Variants in FAM136A observed in about 807,000 individuals in gnomAD.
FAM136A encodes TIM double twin CX3C motif protein.
A neutral mutation model predicts 21.6 loss-of-function variants in FAM136A; 25 were observed. That is an observed-to-expected ratio of 1.16 (90% CI 0.84 to 1.62). The LOEUF (loss-of-function observed/expected upper bound fraction) is 1.62, where lower values mean the gene tolerates loss of function less well. Ranked by LOEUF, FAM136A falls within the 40% of genes most tolerant of loss-of-function variation. FAM136A has a pLI of 0.00. For missense variants in FAM136A, 338 were observed against 332.0 expected, an observed-to-expected ratio of 1.02 and a Z score of -0.14; for synonymous variants, 119 against 129.4, an observed-to-expected ratio of 0.92 and a Z score of 0.55.
intron 2 of FAM136A, 60 bp from the exon 3 acceptor site, chr2:70,297,537 C>G: frequency 6.4e-7 from 1 of 1,551,572 alleles, no homozygotes; most frequent in South Asian, 1.1e-5. Context: ...TTACTGCGTG[C>G]TCATTATGTG....
Position 70,297,469 on chromosome 2 carries a change from C to T in FAM136A, c.558G>A (p.Leu186=). The T allele has an allele frequency of 6.2e-7, 1 of 1,613,772 alleles. No individual in the cohort carries two copies. Among genetic ancestry groups the T allele is most frequent in the Non-Finnish European group, 8.5e-7 (1 of 1,179,772 alleles). Residue 186 remains leucine, a synonymous_variant, in exon 3 of 3, where the codon CTG becomes CTA. Transcript: ENST00000430566. ...TSELEKFQDR[L]ARCTMHCNDK... ...CGTTGCAATGCATGGTGCACCGGGC[C>T]AGGCGGTCCTGTGGCAAGAAGGAAG...
chr2:70,297,621 G>T (rs541505191), intron 2 of FAM136A, 144 bp from the exon 3 acceptor site: 5,778 of 249,856 alleles, frequency 0.023, 114 homozygotes, highest in African/African-American at 0.096. Flanking sequence ...GATTGGCCAA[G>T]TTTTTTTTTT....
chr2:70,301,790 C>T lies in FAM136A; in HGVS notation c.222G>A (p.Arg74=). The part of the protein sequence containing the change: ...QTGCGRPWGR[R]GGLGQDFGSF... The stretch of plus-strand genomic sequence containing the variant: ...TTCCGAAGTCCTGTCCGAGGCCGCC[C>T]CGGCGACCCCAGGGCCGCCCACACC... The change falls in exon 1 of 3, where the codon CGG becomes CGA. Residue 74 remains arginine (R), a synonymous_variant. Coordinates refer to ENST00000430566, the MANE Select transcript of FAM136A (RefSeq NM_001329752.2). 6.5e-7 allele frequency: 1 copy of T among 1,547,236 alleles called. No individual in the cohort carries two copies. Among genetic ancestry groups the T allele is most frequent in the Non-Finnish European group, 8.7e-7 (1 of 1,145,844 alleles).
chr2:70,299,083 G>T (rs1166950918), intron 2 of FAM136A, among the ~76,000 whole-genome samples: 1 of 152,190 alleles, frequency 6.6e-6, no homozygotes, highest in Admixed American at 6.5e-5. Flanking sequence ...AGAACACAAA[G>T]AAACCCTTTG....
At chr2:70,301,098 C>T (rs1697385144) in intron 1 of FAM136A, 118 bp from the exon 2 acceptor site, 3 of 1,217,942 alleles carry the variant, frequency 2.5e-6, no homozygotes, top group Non-Finnish European at 3.4e-6. Context: ...CCACCTTCTG[C>T]TTTCACCTTC....
At position 70,300,902 on chromosome 2, in the gene FAM136A, G is replaced by T. The variant is rs536886562; in HGVS notation, c.487C>A (p.Arg163Ser). The T allele has an allele frequency of 1.9e-6, 3 of 1,613,818 alleles. No homozygotes were observed. In the Admixed American group the frequency reaches 5.0e-5, roughly 27 times the overall value. Residue 163 changes from arginine (R) to serine (S), a missense_variant, in exon 2 of 3, where the codon CGC (arginine) becomes AGC (serine). Physicochemically the swap from Arg to Ser is moderately radical, Grantham distance 110. Coordinates refer to ENST00000430566, the MANE Select transcript of FAM136A (RefSeq NM_001329752.2). The stretch of plus-strand genomic sequence containing the variant: ...GCTTGAGCCAGAGGCACATGGCAGC[G>T]CTCGATGCACTGGTGCACCTGCTTC... ...SMKQVHQCIERCHVPLAQAQA... is the reference protein window; with the variant it reads ...SMKQVHQCIESCHVPLAQAQA...
chr2:70,297,072 A>C lies in FAM136A; in HGVS notation c.*217T>G, dbSNP rs1314784721. ...TAATAAGCTCTAAAACTCTCCTGTA[A>C]TATCTCTGACTCGATTTAGCACCAC... On this transcript the variant is annotated 3_prime_UTR_variant, in exon 3 of 3. Transcript: ENST00000430566. 3 of 526,284 alleles carry C rather than the reference A, an allele frequency of 5.7e-6. No homozygotes were observed. The African/African-American group carries it at 5.7e-5, about 10-fold the overall frequency. 32.6% of individuals were successfully genotyped at this position (526,284 alleles called of 1,614,324 possible).
intron 2 of FAM136A, among the ~76,000 whole-genome samples, chr2:70,299,091 T>C (rs112833831): frequency 3.2e-4 from 49 of 152,284 alleles, no homozygotes; most frequent in African/African-American, 1.1e-3. Flanking sequence ...AAGAAACCCT[T>C]TGGGGTTCCA....
chr2:70,301,941 TTC>T lies in FAM136A; in HGVS notation c.69_70del (p.Asn24HisfsTer65), dbSNP rs1425737210. The T allele has an allele frequency of 1.2e-6, 2 of 1,609,086 alleles. No homozygotes were observed. The highest frequency in any genetic ancestry group is 1.1e-5 in the South Asian group (1 of 90,318). The stretch of plus-strand genomic sequence containing the variant: ...CCCCGCTACCTGCATCTTCCGGATG[TTC>T]TCTCTTTCCAGACTCTTCACCATGG... On this transcript the variant is annotated frameshift_variant, in exon 1 of 3. Transcript: ENST00000430566. LOFTEE classifies it high-confidence loss of function.
At chr2:70,300,201 G>A (rs1380073980) in intron 2 of FAM136A, among the ~76,000 whole-genome samples, 1 of 151,756 alleles carries the variant, frequency 6.6e-6, no homozygotes, top group Non-Finnish European at 1.5e-5. Context: ...GTCCAGCCAG[G>A]AAACTTTATA....
intron 2 of FAM136A, among the ~76,000 whole-genome samples, chr2:70,298,448 T>C (rs1029644360): frequency 3.3e-5 from 5 of 152,218 alleles, no homozygotes; most frequent in African/African-American, 1.2e-4. Flanking sequence ...TTATTGAGCA[T>C]CTACTATGTG....
At chr2:70,299,281 T>C (rs1334991964) in intron 2 of FAM136A, among the ~76,000 whole-genome samples, 2 of 152,202 alleles carry the variant, frequency 1.3e-5, no homozygotes, top group Admixed American at 1.3e-4. Context: ...ACTTAGAAGA[T>C]GGGAGTAAAA....
intron 2 of FAM136A, 98 bp from the exon 3 acceptor site, chr2:70,297,575 G>T: frequency 1.9e-5 from 17 of 888,806 alleles, no homozygotes; most frequent in East Asian, 3.6e-5. Context: ...GGTTTAATAT[G>T]TATTATCTTG....
chr2:70,301,024 G>A (rs1263463034), intron 1 of FAM136A, 44 bp from the exon 2 acceptor site: 3 of 1,581,866 alleles, frequency 1.9e-6, no homozygotes, highest in Non-Finnish European at 2.6e-6. Flanking sequence ...AGTCTCTGGG[G>A]ACAGAGATGA....
At chr2:70,301,008 T>A (rs369972258) in intron 1 of FAM136A, 28 bp from the exon 2 acceptor site, 1 of 1,593,598 alleles carries the variant, frequency 6.3e-7, no homozygotes, top group African/African-American at 1.3e-5. Context: ...AGAGGTTAGG[T>A]AGGAAAGTCT....
chr2:70,299,194 T>A (rs1366349176), intron 2 of FAM136A, among the ~76,000 whole-genome samples: 1 of 152,224 alleles, frequency 6.6e-6, no homozygotes, highest in African/African-American at 2.4e-5. Flanking sequence ...TGTATAAGTT[T>A]CCATGTGGAT....
chr2:70,297,214 A>G lies in FAM136A; in HGVS notation c.*75T>C, dbSNP rs1403084303. 7.3e-5 allele frequency: 109 copies of G among 1,485,850 alleles called. No homozygotes were observed. The highest frequency in any genetic ancestry group is 9.9e-5 in the Non-Finnish European group (109 of 1,100,450). The allele number at this position is 1,485,850 out of a possible 1,614,324, so 92.0% of individuals were successfully genotyped here. On this transcript the variant is annotated 3_prime_UTR_variant, in exon 3 of 3. Coordinates refer to ENST00000430566, the MANE Select transcript of FAM136A (RefSeq NM_001329752.2). ...ATTTCTTCATTCGTAAACTTTGCTT[A>G]AAAGACTAAAATTCCCAATTCCTTA... is the stretch of plus-strand genomic sequence containing the variant.
intron 1 of FAM136A, 73 bp downstream of exon 1, chr2:70,301,530 CG>C: frequency 6.5e-7 from 1 of 1,536,022 alleles, no homozygotes; most frequent in Non-Finnish European, 8.7e-7. Flanking sequence ...ACCTGGCCAA[CG>C]GGGAGGCCGG....
In FAM136A at chr2:70,301,124, C is replaced by T. The variant is rs183344559; in HGVS notation, c.409-144G>A. On this transcript the variant is annotated intron_variant, in intron 1 of 2. Transcript: ENST00000430566. ...TTTCACCTTCCCTGAGAATAGACAC[C>T]AGGACCTTAAAACCACCACTGGGGA... 8.0e-5 allele frequency: 82 copies of T among 1,028,968 alleles called. No individual in the cohort carries two copies. In the African/African-American group the frequency reaches 1.2e-3, roughly 15 times the overall value. 63.7% of individuals were successfully genotyped at this position (1,028,968 alleles called of 1,614,324 possible). A position where few individuals can be genotyped will look rare whatever the true frequency, so the allele number is the denominator to read the frequency against.
Sources: gnomAD v4.1 joint callset for allele counts (sites outside exome capture counted in the v4.1 genomes callset) on GRCh38, gnomAD v4.1.1 for gene constraint, MANE v1.5 for transcripts, NCBI Gene and HGNC (gene_info 2026-07-23, HGNC 2026-07-21) for gene names.